The following CFAP70 variants were observed in gnomAD, a reference collection of about 807,000 sequenced individuals.
CFAP70 encodes the protein cilia and flagella associated protein 70.
In CFAP70, 81 loss-of-function variants were observed where a neutral mutation model predicts 137.6. The ratio of observed to expected loss-of-function variants is 0.59; its 90% CI spans 0.49 to 0.71. CFAP70 has a LOEUF of 0.71. CFAP70 is among the 30% of genes least tolerant of loss of function. CFAP70 has a pLI of 0.00. For synonymous variants in CFAP70, 382 were observed against 423.6 expected, an observed-to-expected ratio of 0.90 and a Z score of 1.20; for missense variants, 976 against 1,226.7, an observed-to-expected ratio of 0.80 and a Z score of 3.05.
At chr10:73,279,379 C>A (rs1282069755) in intron 19 of CFAP70, among the ~76,000 whole-genome samples, 1 of 151,574 alleles carries the variant, frequency 6.6e-6, no homozygotes, top group East Asian at 1.9e-4. Context: ...AAAAAATTAG[C>A]CGGGCCTGGT....
At chr10:73,323,527 C>T (rs2051089087) in intron 8 of CFAP70, among the ~76,000 whole-genome samples, 1 of 152,174 alleles carries the variant, frequency 6.6e-6, no homozygotes, top group Non-Finnish European at 1.5e-5. Context: ...CGAGGCACTG[C>T]CTCACTCGGG....
intron 13 of CFAP70, 57 bp downstream of exon 14, chr10:73,299,548 A>G: frequency 1.4e-6 from 2 of 1,412,596 alleles, no homozygotes; most frequent in East Asian, 4.6e-5. Flanking sequence ...TGCAATTAAC[A>G]AGTGCATGCA....
intron 25 of CFAP70, among the ~76,000 whole-genome samples, chr10:73,258,277 AT>A (rs1379339272): frequency 6.6e-6 from 1 of 152,232 alleles, no homozygotes; most frequent in Non-Finnish European, 1.5e-5. Context: ...TTTCTTGGAC[AT>A]TTATTAGTTC....
intron 5 of CFAP70, among the ~76,000 whole-genome samples, chr10:73,342,852 G>A (rs542287114): frequency 7.6e-4 from 116 of 152,034 alleles, no homozygotes; most frequent in African/African-American, 2.2e-3. Context: ...CGAGGCGGGC[G>A]GATCACAAGG....
chr10:73,257,876 CTT>C (rs745485451), intron 25 of CFAP70, among the ~76,000 whole-genome samples: 9 of 129,908 alleles, frequency 6.9e-5, no homozygotes, highest in Admixed American at 1.6e-4. Context: ...CCTTTTCCTT[CTT>C]TTTTTTTTTT....
At chr10:73,330,603 A>G (rs1589515006) in intron 8 of CFAP70, among the ~76,000 whole-genome samples, 1 of 152,272 alleles carries the variant, frequency 6.6e-6, no homozygotes, top group African/African-American at 2.4e-5. Flanking sequence ...AAAGTCAGCC[A>G]AACAATTTAG....
chr10:73,269,166 G>A (rs146275868), intron 25 of CFAP70, among the ~76,000 whole-genome samples: 74 of 152,170 alleles, frequency 4.9e-4, no homozygotes, highest in African/African-American at 1.6e-3. Flanking sequence ...AGACTGATAC[G>A]CAAGTTATTT....
intron 8 of CFAP70, among the ~76,000 whole-genome samples, chr10:73,327,839 G>A (rs1191837291): frequency 6.6e-6 from 1 of 152,052 alleles, no homozygotes; most frequent in African/African-American, 2.4e-5. Flanking sequence ...AAATAAAAGA[G>A]GATACAAAGA....
chr10:73,333,915 T>C (rs1009802850), intron 7 of CFAP70, among the ~76,000 whole-genome samples: 2 of 152,176 alleles, frequency 1.3e-5, no homozygotes, highest in Non-Finnish European at 2.9e-5. Context: ...ATGGCAACAA[T>C]GTATCCTCAA....
At chr10:73,339,415 A>T (rs1048925268) in intron 6 of CFAP70, among the ~76,000 whole-genome samples, 8 of 152,262 alleles carry the variant, frequency 5.3e-5, no homozygotes, top group Non-Finnish European at 8.8e-5. Flanking sequence ...AAAGGTGACG[A>T]CTGTCACAGA....
chr10:73,359,593 ACT>A (rs2054924733), upstream of CFAP70, among the ~76,000 whole-genome samples: 1 of 152,058 alleles, frequency 6.6e-6, no homozygotes, highest in African/African-American at 2.4e-5. Flanking sequence ...AAAAAGGAAA[ACT>A]CTTTCAAAGT....
At chr10:73,290,214 T>C (rs1368640124) in intron 19 of CFAP70, among the ~76,000 whole-genome samples, 1 of 152,124 alleles carries the variant, frequency 6.6e-6, no homozygotes, top group African/African-American at 2.4e-5. Flanking sequence ...AATATTGATA[T>C]AAGCAACAAC....
At chr10:73,362,337 C>A (rs2055043160), upstream of CFAP70, among the ~76,000 whole-genome samples, 1 of 152,118 alleles carries the variant, frequency 6.6e-6, no homozygotes, top group Non-Finnish European at 1.5e-5. Context: ...AATGTCATTG[C>A]AATATTGATA....
intron 19 of CFAP70, among the ~76,000 whole-genome samples, chr10:73,282,733 A>G (rs932424182): frequency 6.6e-6 from 1 of 151,556 alleles, no homozygotes; most frequent in African/African-American, 2.4e-5. Context: ...ATTCAGTTCA[A>G]ATTTTCAAAT....
At chr10:73,286,445 AAAAC>A (rs556349043) in intron 19 of CFAP70, among the ~76,000 whole-genome samples, 45 of 152,268 alleles carry the variant, frequency 3.0e-4, no homozygotes, top group Non-Finnish European at 2.9e-4. Context: ...CACCGTCTCA[AAAAC>A]AAACAAACAA....
At chr10:73,355,959 T>C (rs761822607) in intron 1 of CFAP70, among the ~76,000 whole-genome samples, 4 of 152,198 alleles carry the variant, frequency 2.6e-5, no homozygotes, top group Non-Finnish European at 4.4e-5. Context: ...CAGTGTTCTC[T>C]GGTAACCGTT....
At position 73,254,843 on chromosome 10, in the gene CFAP70, AAGAT is replaced by A. The variant is rs201744373; in HGVS notation, c.3076-792_3076-789del. Reference sequence around the variant, plus strand: ...TGCAGGCTACAATTGGTGGAGCACAAAGATAGATTTTGGGTCCCTGATGACATTG... The same window carrying A: ...TGCAGGCTACAATTGGTGGAGCACAAAGATTTTGGGTCCCTGATGACATTG... On this transcript the variant is annotated intron_variant, in intron 26 of 26. Coordinates refer to ENST00000310715, the Ensembl canonical transcript of CFAP70. Among the ~76,000 whole-genome samples, 23 of 152,338 alleles carry A rather than the reference AAGAT, an allele frequency of 1.5e-4. No homozygotes were observed. The East Asian group carries it at 4.4e-3, about 29-fold the overall frequency.
intron 7 of CFAP70, among the ~76,000 whole-genome samples, chr10:73,332,794 C>T (rs932723865): frequency 2.0e-5 from 3 of 152,130 alleles, no homozygotes; most frequent in Non-Finnish European, 4.4e-5. Flanking sequence ...ACCAGATTAA[C>T]ATAAAACCTC....
At chr10:73,329,100 A>C (rs959795904) in intron 8 of CFAP70, among the ~76,000 whole-genome samples, 2 of 152,144 alleles carry the variant, frequency 1.3e-5, no homozygotes, top group Admixed American at 1.3e-4. Context: ...CAAATGTCCA[A>C]CAATGATAGA....
Sources: gnomAD v4.1 joint callset for allele counts (sites outside exome capture counted in the v4.1 genomes callset) on GRCh38, gnomAD v4.1.1 for gene constraint, MANE v1.5 for transcripts, NCBI Gene and HGNC (gene_info 2026-07-23, HGNC 2026-07-21) for gene names.